LASP1: variants seen among roughly 807,000 people sequenced by gnomAD.
LASP1 encodes LIM and SH3 domain protein 1.
Under a neutral mutation model 38.6 loss-of-function variants are expected in LASP1, and 10 were observed. The ratio of observed to expected loss-of-function variants is 0.26; its 90% CI spans 0.16 to 0.44. The LOEUF is 0.44. Ranked by LOEUF, LASP1 falls within the 20% of genes least tolerant of loss-of-function variation. The pLI, the probability that LASP1 is intolerant of heterozygous loss-of-function variation, is 1.00. For synonymous variants in LASP1, 132 were observed against 140.8 expected (o/e 0.94, Z 0.44); for missense variants, 243 against 375.7 (o/e 0.65, Z 2.92).
At chr17:38,892,073 G>A (rs910170699) in intron 3 of LASP1, among the ~76,000 whole-genome samples, 15 of 152,174 alleles carry the variant, frequency 9.9e-5, no homozygotes, top group African/African-American at 2.7e-4. Context: ...TGGGTGATGG[G>A]GTGAGACCCT....
Position 38,899,747 on chromosome 17 carries a change from C to CTTTTTTTTTTT in LASP1, c.357+1233_357+1243dup, listed in dbSNP as rs34397105. Among the ~76,000 whole-genome samples, 375 of 136,068 alleles carry CTTTTTTTTTTT rather than the reference C, an allele frequency of 2.8e-3. 5 individuals carry two copies. The highest frequency in any genetic ancestry group is 4.0e-3 in the Non-Finnish European group (255 of 63,676). 89.3% of individuals were successfully genotyped at this position (136,068 alleles called of 152,430 possible). ...CTTCCTACTTAGAGGGCGTTCAGATCTTTTTTTTTTTTTTTGAGACAGAGT... is the reference window on the plus strand; with the variant it reads ...CTTCCTACTTAGAGGGCGTTCAGATCTTTTTTTTTTTTTTTTTTTTTTTTTTGAGACAGAGT... On this transcript the variant is annotated intron_variant, in intron 4 of 6. Coordinates refer to ENST00000318008, the MANE Select transcript of LASP1 (RefSeq NM_006148.4).
At chr17:38,897,062 C>T (rs1598113398) in intron 3 of LASP1, 1 of 985,546 alleles carries the variant, frequency 1.0e-6, no homozygotes, top group Non-Finnish European at 1.2e-6. Context: ...TGAGGAAGAG[C>T]TGGTGCTAGG....
intron 4 of LASP1, among the ~76,000 whole-genome samples, chr17:38,908,351 GC>G (rs1914828857): frequency 6.6e-6 from 1 of 152,270 alleles, no homozygotes; most frequent in Non-Finnish European, 1.5e-5. Context: ...TGCCTCGTGA[GC>G]CTGGAGGCCT....
chr17:38,908,713 C>T (rs770450458), intron 4 of LASP1, among the ~76,000 whole-genome samples: 23 of 152,354 alleles, frequency 1.5e-4, no homozygotes, highest in Non-Finnish European at 2.6e-4. Context: ...CAGGCCCTTA[C>T]CACTGCCCTC....
Position 38,920,196 on chromosome 17 carries a change from CTG to C in LASP1, c.*1420_*1421del, listed in dbSNP as rs1398757047. ...TGGGGCTAAGCGGTGGAGGAAGGCT[CTG>C]TCACTCCAGGCATATGTTTCCCCAT... On this transcript the variant is annotated 3_prime_UTR_variant, in exon 7 of 7. Coordinates refer to ENST00000318008, the MANE Select transcript of LASP1 (RefSeq NM_006148.4). 3.9e-6 allele frequency: 2 copies of C among 509,676 alleles called. No homozygotes were observed. Among genetic ancestry groups the C allele is most frequent in the Non-Finnish European group, 7.7e-6 (2 of 260,300 alleles). The allele number at this position is 509,676 out of a possible 1,614,324, so 31.6% of individuals were successfully genotyped here. A position where few individuals can be genotyped will look rare whatever the true frequency, so the allele number is the denominator to read the frequency against.
At chr17:38,892,074 G>A in intron 3 of LASP1, among the ~76,000 whole-genome samples, 1 of 152,236 alleles carries the variant, frequency 6.6e-6, no homozygotes, top group East Asian at 1.9e-4. Context: ...GGGTGATGGG[G>A]TGAGACCCTG....
chr17:38,917,756 G>A (rs1915174756), intron 6 of LASP1, among the ~76,000 whole-genome samples: 1 of 151,818 alleles, frequency 6.6e-6, no homozygotes, highest in South Asian at 2.1e-4. Flanking sequence ...TGCAATCACA[G>A]CTAGCTCACT....
At chr17:38,877,600 G>A (rs868283176) in intron 1 of LASP1, among the ~76,000 whole-genome samples, 41 of 152,266 alleles carry the variant, frequency 2.7e-4, no homozygotes, top group Admixed American at 9.2e-4. Context: ...CAGGAGCTAG[G>A]AGCACCTGGG....
chr17:38,915,722 G>C (rs954548102), intron 6 of LASP1: 4 of 152,300 alleles, frequency 2.6e-5, no homozygotes, highest in African/African-American at 7.2e-5. Flanking sequence ...CCTAGAGCAA[G>C]TGAATAAGCC....
intron 1 of LASP1, among the ~76,000 whole-genome samples, chr17:38,871,629 GGT>G (rs1027531154): frequency 6.6e-6 from 1 of 151,994 alleles, no homozygotes; most frequent in African/African-American, 2.4e-5. Flanking sequence ...CCTCCCCCTT[GGT>G]GTGTGAGCTT....
At chr17:38,882,733 G>C (rs1197250829) in intron 2 of LASP1, among the ~76,000 whole-genome samples, 1 of 152,184 alleles carries the variant, frequency 6.6e-6, no homozygotes, top group African/African-American at 2.4e-5. Flanking sequence ...AGATAGTCTA[G>C]AGTACTGCCT....
intron 2 of LASP1, among the ~76,000 whole-genome samples, chr17:38,880,613 C>G (rs1913918649): frequency 6.6e-6 from 1 of 152,220 alleles, no homozygotes; most frequent in Non-Finnish European, 1.5e-5. Flanking sequence ...TGAGAGAGAC[C>G]TGGGGGCTTT....
At chr17:38,886,888 G>A (rs939623129) in intron 2 of LASP1, among the ~76,000 whole-genome samples, 1 of 152,160 alleles carries the variant, frequency 6.6e-6, no homozygotes, top group South Asian at 2.1e-4. Context: ...GGGCACTGGA[G>A]CTGGCCTCTG....
At position 38,919,850 on chromosome 17, in the gene LASP1, C is replaced by A. The variant is rs1420941364; in HGVS notation, c.*1072C>A. 2 of 463,930 alleles carry A rather than the reference C, an allele frequency of 4.3e-6. No individual in the cohort carries two copies. Among genetic ancestry groups the A allele is most frequent in the Non-Finnish European group, 4.2e-6 (1 of 239,088 alleles). 28.7% of individuals were successfully genotyped at this position (463,930 alleles called of 1,614,324 possible). ...GCGGAGGCAGGAGCATGTATGTCTG[C>A]AGGTGTCTGACACGCAAGTGTGTGA... On this transcript the variant is annotated 3_prime_UTR_variant, in exon 7 of 7. Transcript: ENST00000318008.
At chr17:38,912,743 C>G (rs1002776853) in intron 4 of LASP1, among the ~76,000 whole-genome samples, 80 of 152,248 alleles carry the variant, frequency 5.3e-4, no homozygotes, top group African/African-American at 1.9e-3. Context: ...AACACCGAGG[C>G]CGGTGTTCTC....
intron 3 of LASP1, among the ~76,000 whole-genome samples, chr17:38,895,323 T>A (rs1418178826): frequency 1.3e-5 from 2 of 151,780 alleles, no homozygotes; most frequent in Non-Finnish European, 2.9e-5. Flanking sequence ...CCAGCCTAAT[T>A]TTTGTGTTTT....
At chr17:38,884,549 G>A (rs1489760403) in intron 2 of LASP1, among the ~76,000 whole-genome samples, 1 of 151,666 alleles carries the variant, frequency 6.6e-6, no homozygotes, top group Non-Finnish European at 1.5e-5. Flanking sequence ...TACCATGCCT[G>A]GCTAATTTTT....
At chr17:38,882,673 T>A (rs892297892) in intron 2 of LASP1, among the ~76,000 whole-genome samples, 3 of 152,192 alleles carry the variant, frequency 2.0e-5, no homozygotes, top group Non-Finnish European at 4.4e-5. Context: ...GTGGGGCAGA[T>A]CAGTCCACAC....
At position 38,918,531 on chromosome 17, in the gene LASP1, A is replaced by T; in HGVS notation, c.613-74A>T. The T allele has an allele frequency of 6.9e-7, 1 of 1,451,186 alleles. No individual in the cohort carries two copies. Among genetic ancestry groups the T allele is most frequent in the Non-Finnish European group, 9.3e-7 (1 of 1,072,572 alleles). 89.9% of individuals were successfully genotyped at this position (1,451,186 alleles called of 1,614,324 possible). The stretch of plus-strand genomic sequence containing the variant: ...CCCAGGCTCTGCTCCAGGGTCGTGG[A>T]GAGTTAGAAAAAAATGCTCAGACCC... On this transcript the variant is annotated intron_variant, in intron 6 of 6. Transcript: ENST00000318008. The surrounding 1 kb of genome is among the most constrained non-coding windows in gnomAD (Gnocchi z 4.4).
Sources: gnomAD v4.1 joint callset for allele counts (sites outside exome capture counted in the v4.1 genomes callset) on GRCh38, gnomAD v4.1.1 for gene constraint, Gnocchi (gnomAD v3.1) non-coding constraint, MANE v1.5 for transcripts, NCBI Gene and HGNC (gene_info 2026-07-23, HGNC 2026-07-21) for gene names.